Variants in MTG2 observed in about 807,000 individuals in gnomAD.
MTG2 encodes the protein mitochondrial ribosome associated GTPase 2.
A neutral mutation model predicts 28.6 loss-of-function variants in MTG2; 23 were observed. That is an observed-to-expected ratio of 0.80 (90% CI 0.58 to 1.14). The LOEUF (loss-of-function observed/expected upper bound fraction) is 1.14, where lower values mean the gene tolerates loss of function less well. MTG2 is among the 50% of genes most tolerant of loss of function. The pLI is 0.00. For synonymous variants in MTG2, 260 were observed against 251.8 expected (o/e 1.03, Z -0.31); for missense variants, 539 against 552.0 (o/e 0.98, Z 0.24).
chr20:62,198,089 A>G (rs772159184), intron 4 of MTG2, 122 bp downstream of exon 4: 40 of 732,632 alleles, frequency 5.5e-5, no homozygotes, highest in Non-Finnish European at 7.7e-5. Flanking sequence ...AAACAGCACA[A>G]TGGAAACGGA....
At chr20:62,191,361 G>T (rs1468890623) in intron 1 of MTG2, among the ~76,000 whole-genome samples, 1 of 152,122 alleles carries the variant, frequency 6.6e-6, no homozygotes, top group Non-Finnish European at 1.5e-5. Flanking sequence ...TGACACCCTG[G>T]TTCTGGAGGG....
At chr20:62,186,795 C>T (rs1224586946) in intron 1 of MTG2, among the ~76,000 whole-genome samples, 1 of 152,020 alleles carries the variant, frequency 6.6e-6, no homozygotes, top group Non-Finnish European at 1.5e-5. Flanking sequence ...TCCCAAAGTG[C>T]TGGGATTACA....
intron 3 of MTG2, among the ~76,000 whole-genome samples, 184 bp downstream of exon 3, chr20:62,196,133 C>T (rs565230887): frequency 7.9e-5 from 12 of 151,562 alleles, no homozygotes; most frequent in Non-Finnish European, 1.2e-4. Flanking sequence ...GACAATATAG[C>T]AAGACCATGT....
chr20:62,196,079 G>C, intron 3 of MTG2, 130 bp downstream of exon 3: 1 of 1,099,170 alleles, frequency 9.1e-7, no homozygotes, highest in Non-Finnish European at 1.3e-6. Flanking sequence ...TGGAGAGGCT[G>C]AGGCAGGAGG....
Position 62,184,169 on chromosome 20 carries a change from C to T in MTG2, c.-6+1112C>T, listed in dbSNP as rs549692603. ...GTCAGGAGTTAAAGACCAGCCTGGC[C>T]AACATGGTGAAACCCCATCTCTACT... On this transcript the variant is annotated intron_variant, in intron 1 of 6. Transcript: ENST00000370823. 2.5e-4 allele frequency among the ~76,000 whole-genome samples: 38 copies of T among 152,288 alleles called. No homozygotes were observed. The East Asian group carries it at 2.7e-3, about 11-fold the overall frequency.
chr20:62,197,983 C>G lies in MTG2; in HGVS notation c.468+16C>G. ...CTACATCCGGGTGAGCCGAGACTGC[C>G]GGACCTGGCCCTGTCCCCGTTGTTC... is the stretch of plus-strand genomic sequence containing the variant. On this transcript the variant is annotated intron_variant, in intron 4 of 6. Transcript: ENST00000370823. 1.2e-6 allele frequency: 2 copies of G among 1,606,506 alleles called. No individual in the cohort carries two copies. The highest frequency in any genetic ancestry group is 1.7e-6 in the Non-Finnish European group (2 of 1,173,498).
rs2058169275 is a variant in MTG2, at chr20:62,201,411, ACT to A, written c.*338_*339del. 3.2e-6 allele frequency: 1 copy of A among 315,592 alleles called. No homozygotes were observed. Among genetic ancestry groups the A allele is most frequent in the East Asian group, 6.9e-5 (1 of 14,560 alleles). 19.5% of individuals were successfully genotyped at this position (315,592 alleles called of 1,614,324 possible). On this transcript the variant is annotated 3_prime_UTR_variant, in exon 7 of 7. Coordinates refer to ENST00000370823, the MANE Select transcript of MTG2 (RefSeq NM_015666.4). ...TCAGGTCTCCGCCATGCACGCGTGG[ACT>A]CTCGGATGAGCTCAGCAGAACCGCA...
intron 2 of MTG2, 124 bp from the exon 3 acceptor site, chr20:62,195,678 T>A: frequency 8.8e-7 from 1 of 1,138,734 alleles, no homozygotes; most frequent in Non-Finnish European, 1.3e-6. Flanking sequence ...GCAATATTAG[T>A]GTCATTAACC....
intron 5 of MTG2, 121 bp from the exon 6 acceptor site, chr20:62,198,998 G>T (rs757829355): frequency 6.5e-7 from 1 of 1,548,652 alleles, no homozygotes; most frequent in Non-Finnish European, 8.8e-7. Context: ...TTGGTCGTGA[G>T]CATGAGCCCT....
rs1418569915 is a variant in MTG2, at chr20:62,193,591, C to G, written c.171C>G (p.Leu57=). 2 of 1,613,166 alleles carry G rather than the reference C, an allele frequency of 1.2e-6. No individual in the cohort carries two copies. The highest frequency in any genetic ancestry group is 1.7e-6 in the Non-Finnish European group (2 of 1,179,922). ...CGGACCTCGCCAAGCATCAGGAACTCCCGGGGAAGAAGCTGCTCTCTGAGA... is the reference window on the plus strand; with the variant it reads ...CGGACCTCGCCAAGCATCAGGAACTGCCGGGGAAGAAGCTGCTCTCTGAGA... The part of the protein sequence containing the change: ...GRADLAKHQE[L]PGKKLLSEKK... Residue 57 remains leucine (L), a synonymous_variant, in exon 2 of 7, where the codon CTC becomes CTG. Coordinates refer to ENST00000370823, the MANE Select transcript of MTG2 (RefSeq NM_015666.4).
At chr20:62,196,444 G>A (rs966815905) in intron 3 of MTG2, among the ~76,000 whole-genome samples, 3 of 152,026 alleles carry the variant, frequency 2.0e-5, no homozygotes, top group Non-Finnish European at 4.4e-5. Context: ...AGACCGAGGC[G>A]GGTGGATCGC....
Position 62,197,965 on chromosome 20 carries a change from C to A in MTG2, c.466C>A (p.Arg156=). The change falls in exon 4 of 7, where the codon CGG becomes AGG. Residue 156 remains arginine (R), a splice_region_variant and synonymous_variant. Transcript: ENST00000370823. ...GCGCAGTGGCGCCGTCCTCTACATC[C>A]GGGTGAGCCGAGACTGCCGGACCTG... ...FGRSGAVLYI[R]VPVGTLVKEG... The A allele has an allele frequency of 6.2e-7, 1 of 1,613,162 alleles. No individual in the cohort carries two copies. Among genetic ancestry groups the A allele is most frequent in the Non-Finnish European group, 8.5e-7 (1 of 1,179,242 alleles).
At chr20:62,198,588 C>T (rs200235678) in intron 4 of MTG2, 46 bp from the exon 5 acceptor site, 2 of 1,593,450 alleles carry the variant, frequency 1.3e-6, no homozygotes, top group African/African-American at 2.7e-5. Flanking sequence ...GCCTCCTTTC[C>T]TCACTGCTGG....
At chr20:62,199,096 A>T in intron 5 of MTG2, 23 bp from the exon 6 acceptor site, 1 of 1,613,092 alleles carries the variant, frequency 6.2e-7, no homozygotes, top group South Asian at 1.1e-5. Flanking sequence ...GGGCCGTGCC[A>T]CCGTCTTCCC....
chr20:62,186,537 T>G (rs13038177), intron 1 of MTG2, among the ~76,000 whole-genome samples: 78 of 129,368 alleles, frequency 6.0e-4, no homozygotes, highest in African/African-American at 2.2e-3. Context: ...TGTTTTTTTT[T>G]TTTTTTTTTG....
At position 62,195,806 on chromosome 20, in the gene MTG2, G is replaced by A; in HGVS notation, c.209G>A (p.Arg70Lys). ...KKLLSEKKLK[R>K]YFVDYRRVLV... ...GGATATTTGTGTTCTCTGTAGAAAA[G>A]GTACTTTGTGGACTATCGGAGAGTG... Residue 70 changes from arginine to lysine, a missense_variant, in exon 3 of 7, where the codon AGG becomes AAG. Coordinates refer to ENST00000370823, the MANE Select transcript of MTG2 (RefSeq NM_015666.4). 6.2e-7 allele frequency: 1 copy of A among 1,614,184 alleles called. No individual in the cohort carries two copies. Among genetic ancestry groups the A allele is most frequent in the Non-Finnish European group, 8.5e-7 (1 of 1,180,032 alleles).
intron 4 of MTG2, chr20:62,198,385 T>C (rs1601100838): frequency 1.7e-6 from 1 of 578,564 alleles, no homozygotes; most frequent in East Asian, 2.9e-5. Context: ...ACTAACGTTT[T>C]AGAAACACTA....
chr20:62,195,920 G>A lies in MTG2; in HGVS notation c.323G>A (p.Gly108Glu), dbSNP rs750298352. ...TTTGGAGGCCCTGATGGAGGGGACG[G>A]AGGCAACGGTGGACACGTCATTCTG... is the stretch of plus-strand genomic sequence containing the variant. The part of the protein sequence containing the change: ...KEFGGPDGGD[G>E]GNGGHVILRV... Residue 108 changes from glycine (G) to glutamate (E), a missense_variant, in exon 3 of 7, where the codon GGA becomes GAA. Coordinates refer to ENST00000370823, the MANE Select transcript of MTG2 (RefSeq NM_015666.4). 1.1e-5 allele frequency: 18 copies of A among 1,614,090 alleles called. No individual in the cohort carries two copies. The highest frequency in any genetic ancestry group is 1.4e-5 in the Non-Finnish European group (17 of 1,180,044).
intron 1 of MTG2, among the ~76,000 whole-genome samples, chr20:62,186,091 C>A (rs1260979454): frequency 2.0e-5 from 3 of 152,126 alleles, no homozygotes; most frequent in Non-Finnish European, 2.9e-5. Flanking sequence ...TGTAACGTTC[C>A]AGCAGGCTGA....
Sources: allele counts gnomAD v4.1 joint callset (sites outside exome capture counted in the v4.1 genomes callset), GRCh38; gene constraint gnomAD v4.1.1; transcripts MANE v1.5; gene names NCBI Gene and HGNC (gene_info 2026-07-23, HGNC 2026-07-21).